Variants in NME5 observed in about 807,000 individuals in gnomAD.
NME5 encodes the protein NME/NM23 family member 5.
A neutral mutation model predicts 21.6 loss-of-function variants in NME5; 18 were observed. The ratio of observed to expected loss-of-function variants is 0.83; its 90% CI spans 0.58 to 1.24. The LOEUF is 1.24. Ranked by LOEUF, NME5 falls within the 50% of genes most tolerant of loss-of-function variation. The pLI is 0.00. For synonymous variants in NME5, 70 were observed against 80.6 expected (o/e 0.87, Z 0.71); for missense variants, 223 against 255.4 (o/e 0.87, Z 0.86).
chr5:138,122,520 C>T (rs1211493934), intron 4 of NME5, among the ~76,000 whole-genome samples: 1 of 144,494 alleles, frequency 6.9e-6, no homozygotes, highest in Non-Finnish European at 1.5e-5. Flanking sequence ...TGGAATTTTC[C>T]TTTTTACAGC....
chr5:138,117,263 CAG>C (rs1470716782), intron 5 of NME5, among the ~76,000 whole-genome samples: 2 of 127,706 alleles, frequency 1.6e-5, no homozygotes, highest in Non-Finnish European at 3.4e-5. Flanking sequence ...ACATAAAACA[CAG>C]GGGTAAATTT....
At chr5:138,120,383 G>A (rs1209587918) in intron 4 of NME5, among the ~76,000 whole-genome samples, 2 of 151,798 alleles carry the variant, frequency 1.3e-5, no homozygotes, top group Non-Finnish European at 2.9e-5. Context: ...ACAGGTGCCC[G>A]CCACTAATTA....
In NME5 at chr5:138,128,619, T is replaced by TAGA. The variant is rs1440045011; in HGVS notation, c.336-41_336-40insTCT. 3 of 1,421,166 alleles carry TAGA rather than the reference T, an allele frequency of 2.1e-6. No individual in the cohort carries two copies. The African/African-American group carries it at 4.3e-5, about 20-fold the overall frequency. The allele number at this position is 1,421,166 out of a possible 1,614,324, so 88.0% of individuals were successfully genotyped here. ...GAGATGACGTCCATCCAATCTAACG[T>TAGA]CTATTCCTTACTTTATATGCATGCA... On this transcript the variant is annotated intron_variant, in intron 3 of 5. Coordinates refer to ENST00000265191, the MANE Select transcript of NME5 (RefSeq NM_003551.3).
In NME5 at chr5:138,129,290, A is replaced by T. The variant is rs1432771022; in HGVS notation, c.308T>A (p.Leu103Ter). The T allele has an allele frequency of 6.2e-7, 1 of 1,613,506 alleles. No homozygotes were observed. The highest frequency in any genetic ancestry group is 8.5e-7 in the Non-Finnish European group (1 of 1,179,570). Residue 103 changes from leucine to a stop codon, truncating the protein, a stop_gained, in exon 3 of 6, where the codon TTA becomes TAA. Transcript: ENST00000265191. LOFTEE classifies it high-confidence loss of function. ...GTCTGGATGTGTCTCCTTCGCTACT[A>T]AGCTATTATTTGGTCCCAAAAGTTC... ...WLELLGPNNS[L>*]VAKETHPDSL...
At chr5:138,127,462 T>G in intron 4 of NME5, 3 of 978,078 alleles carry the variant, frequency 3.1e-6, no homozygotes, top group Non-Finnish European at 3.6e-6. Flanking sequence ...TTTTCTGTTT[T>G]ATTTGAATGA....
chr5:138,138,884 A>G (rs1751792358), intron 1 of NME5, 99 bp from the exon 2 acceptor site: 1 of 1,113,828 alleles, frequency 9.0e-7, no homozygotes, highest in Admixed American at 2.3e-5. Flanking sequence ...ATTATGATTA[A>G]GAATAGCAAT....
intron 2 of NME5, among the ~76,000 whole-genome samples, chr5:138,130,364 A>C (rs764446014): frequency 6.6e-6 from 1 of 151,800 alleles, no homozygotes; most frequent in Non-Finnish European, 1.5e-5. Flanking sequence ...CTGGGCGATA[A>C]AGCAGACCCT....
At chr5:138,135,092 G>A (rs957565193) in intron 2 of NME5, among the ~76,000 whole-genome samples, 1 of 149,156 alleles carries the variant, frequency 6.7e-6, no homozygotes, top group Non-Finnish European at 1.5e-5. Flanking sequence ...GCCGAGGCAG[G>A]TGGATCACAA....
chr5:138,135,087 G>A (rs1220760740), intron 2 of NME5, among the ~76,000 whole-genome samples: 1 of 149,178 alleles, frequency 6.7e-6, no homozygotes, highest in Non-Finnish European at 1.5e-5. Context: ...GGGAGGCCGA[G>A]GCAGGTGGAT....
chr5:138,132,937 A>T (rs1561591264), intron 2 of NME5, among the ~76,000 whole-genome samples: 1 of 151,888 alleles, frequency 6.6e-6, no homozygotes, highest in Non-Finnish European at 1.5e-5. Context: ...TATGCGTATT[A>T]GCGTTTTTTT....
At chr5:138,133,547 A>G (rs1581386323) in intron 2 of NME5, among the ~76,000 whole-genome samples, 1 of 152,182 alleles carries the variant, frequency 6.6e-6, no homozygotes, top group African/African-American at 2.4e-5. Context: ...CTCATCTGAA[A>G]TTAGGTTGAA....
At chr5:138,132,780 G>A (rs550023033) in intron 2 of NME5, among the ~76,000 whole-genome samples, 1 of 152,126 alleles carries the variant, frequency 6.6e-6, no homozygotes, top group Non-Finnish European at 1.5e-5. Flanking sequence ...CCAGTGAAGG[G>A]CCAGTTACTA....
chr5:138,126,299 CAA>C (rs1751423482), intron 4 of NME5, among the ~76,000 whole-genome samples: 1 of 151,732 alleles, frequency 6.6e-6, no homozygotes, highest in Non-Finnish European at 1.5e-5. Context: ...TGCTTGAGCC[CAA>C]GAGTTCGAGA....
intron 2 of NME5, among the ~76,000 whole-genome samples, chr5:138,130,608 G>C (rs1472303263): frequency 6.6e-6 from 1 of 152,022 alleles, no homozygotes; most frequent in South Asian, 2.1e-4. Flanking sequence ...GGCCAACATA[G>C]TGAAACCCCA....
intron 4 of NME5, among the ~76,000 whole-genome samples, chr5:138,126,820 C>G (rs1181865603): frequency 2.6e-5 from 4 of 151,752 alleles, no homozygotes; most frequent in African/African-American, 9.7e-5. Flanking sequence ...TGGTGATATG[C>G]GCCTGTGGTT....
chr5:138,129,811 A>T (rs906028540), intron 2 of NME5, among the ~76,000 whole-genome samples: 16 of 152,158 alleles, frequency 1.1e-4, no homozygotes, highest in African/African-American at 3.4e-4. Flanking sequence ...TCAAAAAATT[A>T]GCCGGGCGGG....
chr5:138,117,861 TA>T (rs1222650612), intron 5 of NME5, among the ~76,000 whole-genome samples: 1 of 151,470 alleles, frequency 6.6e-6, no homozygotes, highest in African/African-American at 2.4e-5. Flanking sequence ...TGTTCGCCTG[TA>T]AATCCCAGCT....
intron 2 of NME5, 82 bp from the exon 3 acceptor site, chr5:138,129,550 T>C (rs1330629861): frequency 4.4e-6 from 4 of 904,858 alleles, no homozygotes; most frequent in Non-Finnish European, 7.1e-6. Flanking sequence ...AACTTGAAAC[T>C]AGTACCAATC....
Position 138,115,297 on chromosome 5 carries a change from A to C in NME5, c.*384T>G, listed in dbSNP as rs1383764144. On this transcript the variant is annotated 3_prime_UTR_variant, in exon 6 of 6. Transcript: ENST00000265191. ...CCAAATCACCATGCTTATGGACTAC[A>C]AAAGGACCTAAGCCTTTTAAACTAG... 6.5e-6 allele frequency: 1 copy of C among 154,996 alleles called. No individual in the cohort carries two copies. Among genetic ancestry groups the C allele is most frequent in the African/African-American group, 2.4e-5 (1 of 41,530 alleles). 9.6% of individuals were successfully genotyped at this position (154,996 alleles called of 1,614,324 possible).
Sources: allele counts gnomAD v4.1 joint callset (sites outside exome capture counted in the v4.1 genomes callset), GRCh38; gene constraint gnomAD v4.1.1; transcripts MANE v1.5; gene names NCBI Gene and HGNC (gene_info 2026-07-23, HGNC 2026-07-21).